The following CACNA2D1 variants were observed in gnomAD, a reference collection of about 807,000 sequenced individuals.
CACNA2D1 encodes the protein calcium voltage-gated channel auxiliary subunit alpha2delta 1.
CACNA2D1 carries 53 observed loss-of-function variants against 171.5 expected under a neutral mutation model. The observed-to-expected ratio is 0.31, with a 90% CI of 0.25 to 0.39. CACNA2D1 has a LOEUF of 0.39. Ranked by LOEUF, CACNA2D1 falls within the 10% of genes least tolerant of loss-of-function variation. The pLI is 1.00. For synonymous variants in CACNA2D1, 442 were observed against 443.1 expected (o/e 1.00, Z 0.03); for missense variants, 903 against 1,299.8 (o/e 0.69, Z 4.69).
chr7:82,259,274 G>A (rs1047486010), intron 3 of CACNA2D1, among the ~76,000 whole-genome samples: 1 of 152,196 alleles, frequency 6.6e-6, no homozygotes, highest in South Asian at 2.1e-4. Flanking sequence ...TTTATGGATT[G>A]TCAGCTTGTA....
At chr7:82,260,981 G>A (rs1254469282) in intron 3 of CACNA2D1, among the ~76,000 whole-genome samples, 2 of 149,814 alleles carry the variant, frequency 1.3e-5, no homozygotes, top group African/African-American at 4.9e-5. Flanking sequence ...TTGAGACTGA[G>A]TCTCACTCTA....
At chr7:82,000,771 C>CTTTCTTTTTT (rs1798512850) in intron 18 of CACNA2D1, among the ~76,000 whole-genome samples, 1 of 51,912 alleles carries the variant, frequency 1.9e-5, no homozygotes, top group Non-Finnish European at 3.6e-5. Context: ...ATTTTTCTTT[C>CTTTCTTTTTT]TTTTTTTTTT....
At chr7:81,952,089 T>C (rs1487405043) in intron 38 of CACNA2D1, among the ~76,000 whole-genome samples, 1 of 151,484 alleles carries the variant, frequency 6.6e-6, no homozygotes, top group Non-Finnish European at 1.5e-5. Context: ...ATTAGTGATG[T>C]TGAGCAATTT....
chr7:82,261,039 C>T (rs1807019276), intron 3 of CACNA2D1, among the ~76,000 whole-genome samples: 1 of 151,942 alleles, frequency 6.6e-6, no homozygotes, highest in Non-Finnish European at 1.5e-5. Context: ...ACTGCAAGCT[C>T]CGCCTCCTGG....
At chr7:82,013,576 T>TTATTTTATAAA in intron 13 of CACNA2D1, 66 bp from the exon 14 acceptor site, 1 of 555,534 alleles carries the variant, frequency 1.8e-6, no homozygotes, top group South Asian at 4.2e-5. Flanking sequence ...CAAAATTATT[T>TTATTTTATAAA]TATTTTATAA....
intron 2 of CACNA2D1, among the ~76,000 whole-genome samples, chr7:82,335,650 A>G (rs1817910293): frequency 6.6e-6 from 1 of 152,132 alleles, no homozygotes; most frequent in Admixed American, 6.6e-5. Flanking sequence ...TGTGGAAAAC[A>G]AAGGCAGGAG....
At chr7:82,169,392 A>G (rs1249437244) in intron 4 of CACNA2D1, among the ~76,000 whole-genome samples, 1 of 151,654 alleles carries the variant, frequency 6.6e-6, no homozygotes, top group Non-Finnish European at 1.5e-5. Context: ...AGTTCAGTAG[A>G]GAATCAAACA....
intron 10 of CACNA2D1, among the ~76,000 whole-genome samples, chr7:82,057,566 GAAA>G (rs56383976): frequency 6.7e-6 from 1 of 150,014 alleles, no homozygotes. Context: ...AGACCTACAA[GAAA>G]AAAAAAAAAT....
At chr7:82,288,173 T>C (rs7777069) in intron 3 of CACNA2D1, among the ~76,000 whole-genome samples, 2,151 of 152,164 alleles carry the variant, frequency 0.014, 39 homozygotes, top group Middle Eastern at 0.062. Flanking sequence ...TCAAGTGCCA[T>C]AGAGTAAACT....
At chr7:82,409,600 C>A (rs1372811172) in intron 1 of CACNA2D1, among the ~76,000 whole-genome samples, 2 of 152,090 alleles carry the variant, frequency 1.3e-5, no homozygotes, top group African/African-American at 4.8e-5. Context: ...AGGGCCAAGG[C>A]GCTGGTAACT....
intron 1 of CACNA2D1, among the ~76,000 whole-genome samples, chr7:82,385,727 C>T (rs919337681): frequency 2.0e-5 from 3 of 151,892 alleles, no homozygotes; most frequent in Non-Finnish European, 4.4e-5. Context: ...TATAGTGGTG[C>T]AATCTCGGCT....
rs866237998 is a variant in CACNA2D1, at chr7:82,352,622, G to A, written c.96-2973C>T. Among the ~76,000 whole-genome samples the A allele has an allele frequency of 4.6e-5, 7 of 152,256 alleles. No homozygotes were observed. In the South Asian group the frequency reaches 1.2e-3, roughly 27 times the overall value. On this transcript the variant is annotated intron_variant, in intron 1 of 38. Coordinates refer to ENST00000356860, the MANE Select transcript of CACNA2D1 (RefSeq NM_000722.4). ...CTGGGTTTAAAAATGGGTCTGGGAG[G>A]AAGAGAGAAAACAACAACAAGAATA...
At chr7:82,041,384 G>A (rs1353157689) in intron 10 of CACNA2D1, among the ~76,000 whole-genome samples, 1 of 152,122 alleles carries the variant, frequency 6.6e-6, no homozygotes, top group Non-Finnish European at 1.5e-5. Flanking sequence ...AAGAAGAGTG[G>A]AAGCTGACCG....
At chr7:82,061,014 T>TCTA (rs1584592578) in intron 9 of CACNA2D1, among the ~76,000 whole-genome samples, 2 of 152,144 alleles carry the variant, frequency 1.3e-5, no homozygotes, top group East Asian at 3.9e-4. Flanking sequence ...AATTTATTCT[T>TCTA]CATTTTTCTT....
chr7:82,265,872 T>C (rs185948593), intron 3 of CACNA2D1, among the ~76,000 whole-genome samples: 35 of 152,260 alleles, frequency 2.3e-4, no homozygotes, highest in Admixed American at 6.5e-4. Flanking sequence ...TCTCTTAGAA[T>C]CTATATTTTT....
At chr7:82,146,038 G>A (rs1792997386) in intron 4 of CACNA2D1, among the ~76,000 whole-genome samples, 1 of 151,678 alleles carries the variant, frequency 6.6e-6, no homozygotes, top group Admixed American at 6.6e-5. Flanking sequence ...TTGTCATTAT[G>A]GTGCCTGTAA....
At chr7:82,126,253 C>G (rs2129063032) in intron 5 of CACNA2D1, among the ~76,000 whole-genome samples, 1 of 152,252 alleles carries the variant, frequency 6.6e-6, no homozygotes, top group Non-Finnish European at 1.5e-5. Context: ...ACTCTATTGC[C>G]TCTACTGTAT....
chr7:82,142,095 G>C (rs1241352390), intron 4 of CACNA2D1, among the ~76,000 whole-genome samples: 1 of 152,176 alleles, frequency 6.6e-6, no homozygotes. Context: ...CAGTATGATA[G>C]AATAAAGTCA....
At chr7:82,367,187 G>GC (rs1821836829) in intron 1 of CACNA2D1, among the ~76,000 whole-genome samples, 1 of 151,980 alleles carries the variant, frequency 6.6e-6, no homozygotes, top group Non-Finnish European at 1.5e-5. Flanking sequence ...TAGGATTACA[G>GC]CATGAGCCAC....
Sources: gnomAD v4.1 joint callset for allele counts (sites outside exome capture counted in the v4.1 genomes callset) on GRCh38, gnomAD v4.1.1 for gene constraint, MANE v1.5 for transcripts, NCBI Gene and HGNC (gene_info 2026-07-23, HGNC 2026-07-21) for gene names.